NOS1AP: variants seen among roughly 807,000 people sequenced by gnomAD.
NOS1AP encodes nitric oxide synthase 1 adaptor protein, also known as carboxyl-terminal PDZ ligand of neuronal nitric oxide synthase protein.
Under a neutral mutation model 56.2 loss-of-function variants are expected in NOS1AP, and 21 were observed. That is an observed-to-expected ratio of 0.37 (90% confidence interval 0.26 to 0.54). The LOEUF (loss-of-function observed/expected upper bound fraction) is 0.54, where lower values mean the gene tolerates loss of function less well. Ranked by LOEUF, NOS1AP falls within the 20% of genes least tolerant of loss-of-function variation. The pLI, the probability that NOS1AP is intolerant of heterozygous loss-of-function variation, is 0.84. For missense variants in NOS1AP, 522 were observed against 657.8 expected (o/e 0.79, Z 2.26); for synonymous variants, 270 against 274.6 (o/e 0.98, Z 0.17).
At chr1:162,300,326 A>G (rs1557869405) in intron 3 of NOS1AP, among the ~76,000 whole-genome samples, 1 of 152,182 alleles carries the variant, frequency 6.6e-6, no homozygotes, top group African/African-American at 2.4e-5. Context: ...AAATGTACCA[A>G]TTAACCTACC....
At chr1:162,200,970 C>A (rs1651972637) in intron 2 of NOS1AP, among the ~76,000 whole-genome samples, 1 of 152,150 alleles carries the variant, frequency 6.6e-6, no homozygotes. Context: ...AAACATGTGT[C>A]ATAGGGGTTT....
chr1:162,321,719 T>TA lies in NOS1AP; in HGVS notation c.345-11285dup, dbSNP rs201941230. On this transcript the variant is annotated intron_variant, in intron 4 of 9. Transcript: ENST00000361897. ...TGTACCCTAGAACTTAAAGTATAAT[T>TA]AAAAAAAAAAAAATATATATATATA... 4.1e-3 allele frequency among the ~76,000 whole-genome samples: 563 copies of TA among 137,876 alleles called. 4 individuals are homozygous for TA. The highest frequency in any genetic ancestry group is 0.013 in the African/African-American group (477 of 36,972). The allele number at this position is 137,876 out of a possible 152,430, so 90.5% of individuals were successfully genotyped here.
At chr1:162,265,410 G>T (rs572845496) in intron 2 of NOS1AP, among the ~76,000 whole-genome samples, 65 of 137,422 alleles carry the variant, frequency 4.7e-4, no homozygotes, top group Admixed American at 4.9e-4. Flanking sequence ...CCCAGAGTGT[G>T]ATGTTCCCCT....
intron 2 of NOS1AP, among the ~76,000 whole-genome samples, chr1:162,259,716 A>G (rs1654149444): frequency 1.3e-5 from 2 of 152,254 alleles, no homozygotes; most frequent in Non-Finnish European, 2.9e-5. Context: ...TTTTAAAAGC[A>G]TTAAAACATT....
At chr1:162,181,221 T>C (rs1256751403) in intron 2 of NOS1AP, among the ~76,000 whole-genome samples, 2 of 152,228 alleles carry the variant, frequency 1.3e-5, no homozygotes, top group African/African-American at 4.8e-5. Flanking sequence ...GACAAGAAAC[T>C]GACTTCAAAG....
chr1:162,111,338 G>A lies in NOS1AP; in HGVS notation c.105+41056G>A, dbSNP rs568020820. On this transcript the variant is annotated intron_variant, in intron 1 of 9. Coordinates refer to ENST00000361897, the MANE Select transcript of NOS1AP (RefSeq NM_014697.3). ...ACATGAAAGCCATTGGAGAGGCAGT[G>A]CTCATCCAAAAGCATGGATAGAGCT... 2.0e-5 allele frequency among the ~76,000 whole-genome samples: 3 copies of A among 152,356 alleles called. No homozygotes were observed. In the East Asian group the frequency reaches 5.8e-4, roughly 29 times the overall value.
intron 1 of NOS1AP, among the ~76,000 whole-genome samples, chr1:162,076,647 C>T (rs1691775339): frequency 6.6e-6 from 1 of 152,176 alleles, no homozygotes; most frequent in Non-Finnish European, 1.5e-5. Context: ...GGGTGGATCA[C>T]TTGAGGTCAG....
At chr1:162,148,396 T>C (rs1394699607) in intron 1 of NOS1AP, among the ~76,000 whole-genome samples, 1 of 152,014 alleles carries the variant, frequency 6.6e-6, no homozygotes, top group African/African-American at 2.4e-5. Context: ...GGTATGGGAG[T>C]CCTCTCTAAG....
intron 1 of NOS1AP, among the ~76,000 whole-genome samples, chr1:162,134,549 T>C (rs951110802): frequency 7.3e-6 from 1 of 137,712 alleles, no homozygotes; most frequent in African/African-American, 2.7e-5. Flanking sequence ...GGAAGGAGAG[T>C]AGGGAAAAAG....
intron 2 of NOS1AP, among the ~76,000 whole-genome samples, chr1:162,272,641 C>G (rs1320858343): frequency 6.6e-6 from 1 of 152,098 alleles, no homozygotes; most frequent in Non-Finnish European, 1.5e-5. Flanking sequence ...GGCATGTGCT[C>G]GTTATTTATC....
chr1:162,081,719 C>A (rs1247606120), intron 1 of NOS1AP, among the ~76,000 whole-genome samples: 20 of 133,552 alleles, frequency 1.5e-4, no homozygotes, highest in Non-Finnish European at 3.0e-4. Context: ...GGCTAAGTTT[C>A]ATATCTATAT....
At chr1:162,331,604 C>T (rs1656773572) in intron 4 of NOS1AP, among the ~76,000 whole-genome samples, 1 of 151,964 alleles carries the variant, frequency 6.6e-6, no homozygotes, top group African/African-American at 2.4e-5. Context: ...CAATCCCATT[C>T]TCTTTCTTCT....
intron 4 of NOS1AP, among the ~76,000 whole-genome samples, chr1:162,311,197 C>T (rs1313052188): frequency 3.9e-5 from 6 of 152,142 alleles, no homozygotes; most frequent in African/African-American, 1.2e-4. Flanking sequence ...CTTGCATTCC[C>T]CACACCTCCA....
At chr1:162,299,125 A>G (rs1044905424) in intron 3 of NOS1AP, among the ~76,000 whole-genome samples, 4 of 152,170 alleles carry the variant, frequency 2.6e-5, no homozygotes, top group Admixed American at 2.6e-4. Flanking sequence ...ATGCATGCAG[A>G]TATTTGGACT....
At chr1:162,343,468 G>GA (rs1657176165) in intron 5 of NOS1AP, among the ~76,000 whole-genome samples, 1 of 151,996 alleles carries the variant, frequency 6.6e-6, no homozygotes, top group African/African-American at 2.4e-5. Context: ...ATTCAAAAAA[G>GA]AAAAAAATGA....
intron 1 of NOS1AP, among the ~76,000 whole-genome samples, chr1:162,092,623 C>A (rs538970858): frequency 9.3e-4 from 142 of 152,256 alleles, no homozygotes; most frequent in Non-Finnish European, 1.7e-3. Flanking sequence ...AATTTGCATA[C>A]CCTTGCCTGG....
At chr1:162,234,879 G>A (rs1263096565) in intron 2 of NOS1AP, among the ~76,000 whole-genome samples, 1 of 152,124 alleles carries the variant, frequency 6.6e-6, no homozygotes, top group Non-Finnish European at 1.5e-5. Flanking sequence ...TGTTGCTTCT[G>A]GAGTTCTGCA....
chr1:162,159,585 G>C (rs954527123), intron 2 of NOS1AP, among the ~76,000 whole-genome samples: 1 of 151,942 alleles, frequency 6.6e-6, no homozygotes, highest in African/African-American at 2.4e-5. Flanking sequence ...TCCCTTCCTT[G>C]GGGAGGCCTT....
At chr1:162,255,515 T>TTTTTTTTTTTG in intron 2 of NOS1AP, among the ~76,000 whole-genome samples, 1 of 120,708 alleles carries the variant, frequency 8.3e-6, no homozygotes, top group Non-Finnish European at 1.7e-5. Flanking sequence ...TTTTTTTTTT[T>TTTTTTTTTTTG]TTTTTTTTTT....
Sources: gnomAD v4.1 joint callset for allele counts (sites outside exome capture counted in the v4.1 genomes callset) on GRCh38, gnomAD v4.1.1 for gene constraint, MANE v1.5 for transcripts, NCBI Gene and HGNC (gene_info 2026-07-23, HGNC 2026-07-21) for gene names.